The following RXRA variants were observed in gnomAD, a reference collection of about 807,000 sequenced individuals.
RXRA encodes retinoid X receptor alpha, also known as retinoic acid receptor RXR-alpha.
A neutral mutation model predicts 44.5 loss-of-function variants in RXRA; 5 were observed. The observed-to-expected ratio is 0.11, with a 90% CI of 0.06 to 0.24. The LOEUF (loss-of-function observed/expected upper bound fraction) is 0.24, where lower values mean the gene tolerates loss of function less well. RXRA is among the 10% of genes least tolerant of loss of function. RXRA has a pLI of 1.00. For synonymous variants in RXRA, 291 were observed against 271.4 expected (o/e 1.07, Z -0.71); for missense variants, 412 against 646.5 (o/e 0.64, Z 3.93).
intron 6 of RXRA, chr9:134,424,997 C>G (rs911523867): frequency 2.0e-6 from 2 of 985,320 alleles, no homozygotes; most frequent in Non-Finnish European, 1.2e-6. Context: ...AGGTCACTTC[C>G]GCTGGGCGAC....
intron 6 of RXRA, chr9:134,422,517 G>T: frequency 1.7e-6 from 2 of 1,161,290 alleles, no homozygotes; most frequent in South Asian, 3.1e-5. Flanking sequence ...CCTCTCCCGG[G>T]ACACTCCCCC....
chr9:134,397,306 A>G (rs938168271), intron 1 of RXRA, among the ~76,000 whole-genome samples: 6 of 152,122 alleles, frequency 3.9e-5, no homozygotes, highest in African/African-American at 1.4e-4. Flanking sequence ...CAGGACAAGA[A>G]CATTCCTTAC....
At chr9:134,341,014 C>T (rs1320573474) in intron 1 of RXRA, among the ~76,000 whole-genome samples, 2 of 152,246 alleles carry the variant, frequency 1.3e-5, no homozygotes, top group Non-Finnish European at 2.9e-5. Flanking sequence ...GACAGCCAGG[C>T]TGTCTCCTGA....
chr9:134,394,820 G>A (rs987025910), intron 1 of RXRA, among the ~76,000 whole-genome samples: 1 of 152,194 alleles, frequency 6.6e-6, no homozygotes, highest in Non-Finnish European at 1.5e-5. Context: ...TCTTGGGCTG[G>A]GAGGGCAGAG....
chr9:134,436,412 A>C lies in RXRA; in HGVS notation c.1242-55A>C, dbSNP rs1003818830. On this transcript the variant is annotated intron_variant, in intron 9 of 9. Transcript: ENST00000481739. ...CATCCCCAGGGAGGCCTCCAGTGCC[A>C]GGGCAGAACTGCCCATGCCCCTTGC... The C allele has an allele frequency of 8.9e-6, 14 of 1,580,254 alleles. No homozygotes were observed. In the African/African-American group the frequency reaches 1.9e-4, roughly 21 times the overall value.
rs1830194266 is a variant in RXRA at position 134,349,421 on chromosome 9, A to G, written c.28+22762A>G. 6.6e-6 allele frequency among the ~76,000 whole-genome samples: 1 copy of G among 152,154 alleles called. No homozygotes were observed. Among genetic ancestry groups the G allele is most frequent in the Non-Finnish European group, 1.5e-5 (1 of 68,020 alleles). ...GGGGAGCAGGAGGGAGGAGAGGGAC[A>G]GGCTGGTGGGTCGGGGAAGAGAAGA... On this transcript the variant is annotated intron_variant, in intron 1 of 9. Coordinates refer to ENST00000481739, the MANE Select transcript of RXRA (RefSeq NM_002957.6). This position sits in a 1 kb window ranked among gnomAD's most constrained non-coding sequence, Gnocchi z 4.3.
At chr9:134,422,300 G>T (rs981934375) in intron 6 of RXRA, 4 of 1,270,542 alleles carry the variant, frequency 3.1e-6, no homozygotes, top group Non-Finnish European at 4.1e-6. Flanking sequence ...TTCCTGGGAC[G>T]CTCCCCTTTC....
rs6413516 is a variant in RXRA, at chr9:134,436,437, C to T, written c.1242-30C>T. ...AGGGCAGAACTGCCCATGCCCCTTG[C>T]CCGGCCCTCACCAGACCTGTTCCCT... On this transcript the variant is annotated intron_variant, in intron 9 of 9. Transcript: ENST00000481739. 8.4e-5 allele frequency: 136 copies of T among 1,610,604 alleles called. No individual in the cohort carries two copies. In the Middle Eastern group the frequency reaches 1.2e-3, roughly 14 times the overall value.
intron 1 of RXRA, among the ~76,000 whole-genome samples, chr9:134,335,984 G>A (rs782318782): frequency 1.2e-4 from 18 of 152,306 alleles, no homozygotes; most frequent in South Asian, 1.0e-3. Context: ...CTCCCCACCC[G>A]GAGGGAGGAA....
chr9:134,416,279 G>C (rs991498870), intron 4 of RXRA, among the ~76,000 whole-genome samples: 2 of 152,190 alleles, frequency 1.3e-5, no homozygotes, highest in Admixed American at 6.5e-5. Flanking sequence ...AGCCTCATGC[G>C]CCTGGGCAGC....
At chr9:134,416,096 C>T (rs1336431392) in intron 4 of RXRA, among the ~76,000 whole-genome samples, 2 of 152,052 alleles carry the variant, frequency 1.3e-5, no homozygotes, top group Admixed American at 6.5e-5. Context: ...TCGGGGGAAC[C>T]GCCCATAAGC....
intron 1 of RXRA, among the ~76,000 whole-genome samples, chr9:134,357,427 C>G (rs1173898495): frequency 1.3e-5 from 2 of 152,198 alleles, no homozygotes; most frequent in Non-Finnish European, 1.5e-5. Context: ...CGCGTGAAGT[C>G]AGGCGCTTTG....
At chr9:134,358,100 C>T (rs941782695) in intron 1 of RXRA, among the ~76,000 whole-genome samples, 3 of 152,270 alleles carry the variant, frequency 2.0e-5, no homozygotes, top group South Asian at 2.1e-4. Flanking sequence ...GGCCGTGGGC[C>T]GCTTCCAAGA....
chr9:134,427,236 C>T lies in RXRA; in HGVS notation c.911-1872C>T, dbSNP rs1007796154. Reference sequence around the variant, plus strand: ...GGCTGGGCAGTGTGGAAGCTGTTTTCGCGGCTGGCTCGGCTGAGCCCTGGG... The same window carrying T: ...GGCTGGGCAGTGTGGAAGCTGTTTTTGCGGCTGGCTCGGCTGAGCCCTGGG... On this transcript the variant is annotated intron_variant, in intron 6 of 9. Coordinates refer to ENST00000481739, the MANE Select transcript of RXRA (RefSeq NM_002957.6). 1.1e-5 allele frequency: 10 copies of T among 922,764 alleles called. No homozygotes were observed. The African/African-American group carries it at 1.3e-4, about 12-fold the overall frequency. 57.2% of individuals were successfully genotyped at this position (922,764 alleles called of 1,614,324 possible).
chr9:134,402,170 C>A, intron 2 of RXRA: 1 of 485,172 alleles, frequency 2.1e-6, no homozygotes. Context: ...ACTCCCTGTT[C>A]CCATGACTGG....
intron 9 of RXRA, among the ~76,000 whole-genome samples, chr9:134,436,111 G>A (rs1831615627): frequency 6.6e-6 from 1 of 152,250 alleles, no homozygotes; most frequent in South Asian, 2.1e-4. Flanking sequence ...CTCTCAAAGT[G>A]CTGAGATTAC....
chr9:134,419,638 T>C (rs1831295368), intron 5 of RXRA, among the ~76,000 whole-genome samples: 1 of 152,222 alleles, frequency 6.6e-6, no homozygotes, highest in Non-Finnish European at 1.5e-5. Context: ...GGGCGGGTCC[T>C]GTGGACACTT....
rs1830827855 is a variant in RXRA, at chr9:134,393,319, C to T, written c.29-8313C>T. 1.3e-5 allele frequency among the ~76,000 whole-genome samples: 2 copies of T among 152,242 alleles called. 1 individual carries two copies. The highest frequency in any genetic ancestry group is 4.1e-4 in the South Asian group (2 of 4,838). On this transcript the variant is annotated intron_variant, in intron 1 of 9. Transcript: ENST00000481739. ...TCTGTCAAGAGTTTGGCCTGCACCT[C>T]CCAGCTGCCTGGCCCAGGTGTGCCC...
intron 4 of RXRA, among the ~76,000 whole-genome samples, chr9:134,409,329 C>G (rs1238549350): frequency 3.3e-5 from 5 of 152,214 alleles, no homozygotes; most frequent in African/African-American, 1.2e-4. Context: ...GCGGCATGTT[C>G]TGGCTGGCGT....
Sources: gnomAD v4.1 joint callset for allele counts (sites outside exome capture counted in the v4.1 genomes callset) on GRCh38, gnomAD v4.1.1 for gene constraint, Gnocchi (gnomAD v3.1) non-coding constraint, MANE v1.5 for transcripts, NCBI Gene and HGNC (gene_info 2026-07-23, HGNC 2026-07-21) for gene names.